GABRB3: variants seen among roughly 807,000 people sequenced by gnomAD.
GABRB3 encodes the protein gamma-aminobutyric acid receptor subunit beta-3.
GABRB3 carries 14 observed loss-of-function variants against 52.1 expected under a neutral mutation model. The observed-to-expected ratio is 0.27, with a 90% CI of 0.18 to 0.42. The LOEUF is 0.42. GABRB3 is among the 10% of genes least tolerant of loss of function. The pLI, the probability that GABRB3 is intolerant of heterozygous loss-of-function variation, is 1.00. For synonymous variants in GABRB3, 260 were observed against 232.3 expected, an observed-to-expected ratio of 1.12 and a Z score of -1.08; for missense variants, 307 against 609.1, an observed-to-expected ratio of 0.50 and a Z score of 5.22.
Position 26,560,674 on chromosome 15 carries a change from G to GT in GABRB3, c.1080+257dup, listed in dbSNP as rs59609658. Among the ~76,000 whole-genome samples the GT allele has an allele frequency of 0.019, 2,818 of 152,220 alleles. 112 individuals carry two copies. The highest frequency in any genetic ancestry group is 0.064 in the African/African-American group (2,641 of 41,510). ...GTTGGCCAATCCAACAGTCCTCTTTGTGTAAGCCTACAACCACTGGTTTCA... is the reference window on the plus strand; with the variant it reads ...GTTGGCCAATCCAACAGTCCTCTTTGTTGTAAGCCTACAACCACTGGTTTCA... On this transcript the variant is annotated intron_variant, in intron 8 of 8. Coordinates refer to ENST00000311550, the MANE Select transcript of GABRB3 (RefSeq NM_000814.6).
intron 3 of GABRB3, among the ~76,000 whole-genome samples, chr15:26,661,108 G>A (rs986581304): frequency 6.6e-6 from 1 of 152,040 alleles, no homozygotes; most frequent in East Asian, 1.9e-4. Flanking sequence ...AAAATTAAAA[G>A]AAATATTTCC....
At chr15:26,688,051 A>C (rs540121067) in intron 3 of GABRB3, among the ~76,000 whole-genome samples, 22 of 152,330 alleles carry the variant, frequency 1.4e-4, no homozygotes, top group African/African-American at 5.3e-4. Flanking sequence ...AGAAACTAAA[A>C]TTAGAAAGTT....
At chr15:26,768,841 G>C (rs1891067009) in intron 3 of GABRB3, among the ~76,000 whole-genome samples, 1 of 151,868 alleles carries the variant, frequency 6.6e-6, no homozygotes, top group Admixed American at 6.6e-5. Context: ...AACATTAAAA[G>C]ATTTAGAAAA....
In GABRB3 at chr15:26,705,115, G is replaced by A. The variant is rs181321044; in HGVS notation, c.240+67287C>T. On this transcript the variant is annotated intron_variant, in intron 3 of 8. Transcript: ENST00000311550. ...TGCTATAACAGAATGCCTGAGACTAGATGATTTATAACGAGCAGAAATGTA... is the reference window on the plus strand; with the variant it reads ...TGCTATAACAGAATGCCTGAGACTAAATGATTTATAACGAGCAGAAATGTA... Among the ~76,000 whole-genome samples the A allele has an allele frequency of 1.4e-4, 21 of 152,304 alleles. No individual in the cohort carries two copies. In the South Asian group the frequency reaches 2.3e-3, roughly 17 times the overall value.
intron 3 of GABRB3, among the ~76,000 whole-genome samples, chr15:26,748,853 C>T (rs893184014): frequency 5.3e-5 from 8 of 151,994 alleles, no homozygotes; most frequent in Admixed American, 2.6e-4. Context: ...TGGTGAAACC[C>T]GGTCTCTGCT....
intron 3 of GABRB3, among the ~76,000 whole-genome samples, chr15:26,674,456 A>AAAGGAAAGGAAAG (rs1254790798): frequency 1.0e-5 from 1 of 99,858 alleles, no homozygotes; most frequent in African/African-American, 3.9e-5. Flanking sequence ...GGAAAGGAAA[A>AAAGGAAAGGAAAG]GAAAAGAAAA....
rs368842452 is a variant in GABRB3 at position 26,561,664 on chromosome 15, T to C, written c.836-488A>G. Among the ~76,000 whole-genome samples, 12 of 152,360 alleles carry C rather than the reference T, an allele frequency of 7.9e-5. No homozygotes were observed. In the East Asian group the frequency reaches 1.4e-3, roughly 17 times the overall value. On this transcript the variant is annotated intron_variant, in intron 7 of 8. Transcript: ENST00000311550. The stretch of plus-strand genomic sequence containing the variant: ...TGAGCGAGAGCTCAGTGAGGCAGCC[T>C]GTGAGAAGAAAATAATTCCTACTAC...
At chr15:26,765,129 CAAA>C (rs3917083) in intron 3 of GABRB3, among the ~76,000 whole-genome samples, 4 of 111,062 alleles carry the variant, frequency 3.6e-5, no homozygotes, top group Non-Finnish European at 5.2e-5. Context: ...GACTCCGACT[CAAA>C]AAAAAAAAAA....
intron 3 of GABRB3, among the ~76,000 whole-genome samples, chr15:26,731,958 A>G (rs1026222117): frequency 4.6e-5 from 7 of 152,236 alleles, no homozygotes; most frequent in African/African-American, 1.7e-4. Context: ...TCTCACAGAT[A>G]GGTGAATTGA....
intron 4 of GABRB3, among the ~76,000 whole-genome samples, chr15:26,589,072 T>G (rs1248588462): frequency 6.6e-6 from 1 of 152,244 alleles, no homozygotes; most frequent in Non-Finnish European, 1.5e-5. Context: ...GAGTCAAGGA[T>G]GTCAAGATCC....
intron 8 of GABRB3, among the ~76,000 whole-genome samples, chr15:26,558,470 A>T (rs1889839273): frequency 6.6e-6 from 1 of 152,222 alleles, no homozygotes; most frequent in Non-Finnish European, 1.5e-5. Flanking sequence ...GAAAACCTCC[A>T]TAGGCTTGAG....
intron 8 of GABRB3, among the ~76,000 whole-genome samples, chr15:26,549,908 A>T (rs1416948238): frequency 6.6e-6 from 1 of 152,182 alleles, no homozygotes; most frequent in East Asian, 1.9e-4. Context: ...ACTTGCAATA[A>T]AACTTTTATT....
intron 8 of GABRB3, among the ~76,000 whole-genome samples, chr15:26,548,818 T>C (rs1263184277): frequency 2.6e-5 from 4 of 152,250 alleles, no homozygotes; most frequent in Admixed American, 2.0e-4. Context: ...CATTTCATGA[T>C]GATGCCAAAG....
intron 3 of GABRB3, 90 bp downstream of exon 3, chr15:26,772,312 A>C: frequency 8.6e-7 from 1 of 1,164,750 alleles, no homozygotes; most frequent in Non-Finnish European, 1.2e-6. Flanking sequence ...GCCCCGGCCG[A>C]AGAGGCCTCC....
chr15:26,634,247 C>T (rs1892983054), intron 3 of GABRB3, among the ~76,000 whole-genome samples: 1 of 152,110 alleles, frequency 6.6e-6, no homozygotes, highest in Admixed American at 6.5e-5. Context: ...CCTTCTGAAC[C>T]TTTCCATCCA....
chr15:26,751,514 T>G (rs886279348), intron 3 of GABRB3, among the ~76,000 whole-genome samples: 2 of 152,138 alleles, frequency 1.3e-5, no homozygotes, highest in Non-Finnish European at 1.5e-5. Context: ...AATCTGAAAG[T>G]AACCACCTCC....
intron 3 of GABRB3, among the ~76,000 whole-genome samples, chr15:26,707,815 A>T (rs1469873804): frequency 6.6e-6 from 1 of 152,158 alleles, no homozygotes; most frequent in African/African-American, 2.4e-5. Flanking sequence ...AGTTACATGA[A>T]ATGGGAAGAC....
chr15:26,602,019 C>T (rs546135807), intron 4 of GABRB3, among the ~76,000 whole-genome samples: 2 of 152,214 alleles, frequency 1.3e-5, no homozygotes, highest in East Asian at 3.9e-4. Flanking sequence ...AAGAAATACA[C>T]TTTATTATAA....
At chr15:26,587,542 G>A (rs1323032532) in intron 4 of GABRB3, among the ~76,000 whole-genome samples, 1 of 152,196 alleles carries the variant, frequency 6.6e-6, no homozygotes, top group African/African-American at 2.4e-5. Context: ...ATCACAGGCT[G>A]GGAGAGTGGG....
Sources: allele counts gnomAD v4.1 joint callset (sites outside exome capture counted in the v4.1 genomes callset), GRCh38; gene constraint gnomAD v4.1.1; transcripts MANE v1.5; gene names NCBI Gene and HGNC (gene_info 2026-07-23, HGNC 2026-07-21).